Variants in PPM1A observed in about 807,000 individuals in gnomAD.
PPM1A encodes the protein protein phosphatase 1A.
In PPM1A, 7 loss-of-function variants were observed where a neutral mutation model predicts 35.0. That is an observed-to-expected ratio of 0.20 (90% confidence interval 0.11 to 0.38). The LOEUF is 0.38. Among genes scored for constraint, PPM1A ranks in the 10% least tolerant of loss-of-function variants. The pLI is 1.00. For missense variants in PPM1A, 239 were observed against 467.8 expected (o/e 0.51, Z 4.51); for synonymous variants, 153 against 167.3 (o/e 0.91, Z 0.66).
At chr14:60,287,145 A>G (rs2139568430) in intron 3 of PPM1A, 1 of 940,416 alleles carries the variant, frequency 1.1e-6, no homozygotes, top group Non-Finnish European at 1.3e-6. Flanking sequence ...TTACTATGAA[A>G]TGGGATCCAA....
At chr14:60,252,660 A>G (rs114241791) in intron 1 of PPM1A, among the ~76,000 whole-genome samples, 349 of 152,282 alleles carry the variant, frequency 2.3e-3, no homozygotes, top group African/African-American at 7.9e-3. Flanking sequence ...TTATTTTGCT[A>G]TTAGCCAAGA....
rs1885354365 is a variant in PPM1A at position 60,273,092 on chromosome 14, A to G, written c.-20-9592A>G. The stretch of plus-strand genomic sequence containing the variant: ...ATGATAGCTTCTCTGTTTCTCCTTC[A>G]GAAAGTCTTGTTTTTTATATGCATA... On this transcript the variant is annotated intron_variant, in intron 1 of 5. Coordinates refer to ENST00000395076, the MANE Select transcript of PPM1A (RefSeq NM_021003.5). The surrounding 1 kb of genome is among the most constrained non-coding windows in gnomAD (Gnocchi z 4.3). Among the ~76,000 whole-genome samples the G allele has an allele frequency of 6.6e-6, 1 of 152,184 alleles. No homozygotes were observed. The highest frequency in any genetic ancestry group is 2.1e-4 in the South Asian group (1 of 4,832).
intron 1 of PPM1A, among the ~76,000 whole-genome samples, chr14:60,266,125 A>G (rs566881805): frequency 1.3e-5 from 2 of 152,338 alleles, no homozygotes; most frequent in African/African-American, 4.8e-5. Flanking sequence ...ATTTGTGTTT[A>G]ATAGCTAGCA....
At chr14:60,259,324 C>G (rs1292864976) in intron 1 of PPM1A, among the ~76,000 whole-genome samples, 1 of 152,006 alleles carries the variant, frequency 6.6e-6, no homozygotes, top group Non-Finnish European at 1.5e-5. Context: ...CTTTTACCAT[C>G]TTAAATGTTT....
chr14:60,279,503 C>T (rs929641695), intron 1 of PPM1A, among the ~76,000 whole-genome samples: 19 of 152,136 alleles, frequency 1.2e-4, no homozygotes, highest in South Asian at 6.2e-4. Context: ...ATTTATCACC[C>T]GTGTTCATTA....
chr14:60,273,785 A>T lies in PPM1A; in HGVS notation c.-20-8899A>T, dbSNP rs1885432969. On this transcript the variant is annotated intron_variant, in intron 1 of 5. Coordinates refer to ENST00000395076, the MANE Select transcript of PPM1A (RefSeq NM_021003.5). The surrounding 1 kb of genome is among the most constrained non-coding windows in gnomAD (Gnocchi z 4.3). ...AGCATATAACCCATGGGATTTGATG[A>T]TGGACTGATGGGAGATGAGGTAGAG... Among the ~76,000 whole-genome samples, 1 of 152,110 alleles carries T rather than the reference A, an allele frequency of 6.6e-6. No individual in the cohort carries two copies.
upstream of PPM1A, chr14:60,246,164 G>A: frequency 1.0e-6 from 1 of 993,210 alleles, no homozygotes; most frequent in Middle Eastern, 3.3e-4. Flanking sequence ...CTAGCCTCCT[G>A]AGGGGGTCAT....
chr14:60,266,154 T>C (rs969531618), intron 1 of PPM1A, among the ~76,000 whole-genome samples: 1 of 152,208 alleles, frequency 6.6e-6, no homozygotes, highest in Non-Finnish European at 1.5e-5. Flanking sequence ...CATTGCTCCA[T>C]ATATTTATTA....
chr14:60,265,563 A>T (rs1217503302), intron 1 of PPM1A, among the ~76,000 whole-genome samples: 3 of 152,264 alleles, frequency 2.0e-5, no homozygotes, highest in Non-Finnish European at 4.4e-5. Context: ...TGGAACAGAT[A>T]CATTTCAAAA....
intron 1 of PPM1A, among the ~76,000 whole-genome samples, chr14:60,259,120 A>G (rs901525209): frequency 1.3e-5 from 2 of 152,092 alleles, no homozygotes; most frequent in African/African-American, 2.4e-5. Context: ...TTTCCTCAGC[A>G]TCTATCTCCC....
intron 2 of PPM1A, among the ~76,000 whole-genome samples, chr14:60,284,416 C>T (rs1022696922): frequency 5.9e-5 from 9 of 151,926 alleles, no homozygotes; most frequent in East Asian, 1.9e-4. Context: ...CCGAGGTGGG[C>T]GGATCACGAG....
chr14:60,280,543 CT>C (rs1208994068), intron 1 of PPM1A, among the ~76,000 whole-genome samples: 1 of 152,196 alleles, frequency 6.6e-6, no homozygotes, highest in Non-Finnish European at 1.5e-5. Flanking sequence ...TCACTCACGT[CT>C]CTTTTTTTCT....
At position 60,289,674 on chromosome 14, in the gene PPM1A, TA is replaced by T; in HGVS notation, c.953-129del. ...AGGTCAACCTGATTTTTTTTTTTTT[TA>T]AATGATACCAGATTAGAAAAATCTC... is the stretch of plus-strand genomic sequence containing the variant. On this transcript the variant is annotated intron_variant, in intron 3 of 5. Transcript: ENST00000395076. The surrounding 1 kb of genome is among the most constrained non-coding windows in gnomAD (Gnocchi z 4.1). 15 of 549,118 alleles carry T rather than the reference TA, an allele frequency of 2.7e-5. No individual in the cohort carries two copies. The highest frequency in any genetic ancestry group is 3.8e-5 in the Admixed American group (1 of 26,130). 34.0% of individuals were successfully genotyped at this position (549,118 alleles called of 1,614,324 possible). A position where few individuals can be genotyped will look rare whatever the true frequency, so the allele number is the denominator to read the frequency against.
chr14:60,292,611 C>A lies in PPM1A; in HGVS notation c.*129C>A. The A allele has an allele frequency of 3.1e-6, 2 of 649,692 alleles. No homozygotes were observed. The highest frequency in any genetic ancestry group is 5.0e-6 in the Non-Finnish European group (2 of 400,988). 40.2% of individuals were successfully genotyped at this position (649,692 alleles called of 1,614,324 possible). On this transcript the variant is annotated 3_prime_UTR_variant, in exon 6 of 6. Coordinates refer to ENST00000395076, the MANE Select transcript of PPM1A (RefSeq NM_021003.5). The surrounding 1 kb of genome is among the most constrained non-coding windows in gnomAD (Gnocchi z 4.2). ...ATGACATGGGTGAGAATGATTACAT[C>A]AGAGAACTTCAGCAGTACAACAGCT...
intron 1 of PPM1A, among the ~76,000 whole-genome samples, chr14:60,259,063 T>C (rs948238220): frequency 3.9e-5 from 6 of 152,118 alleles, no homozygotes; most frequent in African/African-American, 1.4e-4. Context: ...TTACACATTT[T>C]TTAAGCTATT....
chr14:60,257,978 A>C (rs1257356904), intron 1 of PPM1A, among the ~76,000 whole-genome samples: 1 of 152,154 alleles, frequency 6.6e-6, no homozygotes, highest in Non-Finnish European at 1.5e-5. Context: ...ACAGCCTGTA[A>C]GACTGTTTTG....
intron 3 of PPM1A, 86 bp downstream of exon 3, chr14:60,285,827 TTA>T (rs1420785412): frequency 1.3e-6 from 2 of 1,544,606 alleles, no homozygotes; most frequent in Middle Eastern, 4.0e-4. Flanking sequence ...TTTTAGATTT[TTA>T]TGTGTCTTTG....
At position 60,294,393 on chromosome 14, in the gene PPM1A, A is replaced by G. The variant is rs1360197520; in HGVS notation, c.*1911A>G. Reference sequence around the variant, plus strand: ...TTACAGAACCAATTCCATACTTACAATAAATACTTAATGTCTAAATCTGTG... The same window carrying G: ...TTACAGAACCAATTCCATACTTACAGTAAATACTTAATGTCTAAATCTGTG... On this transcript the variant is annotated 3_prime_UTR_variant, in exon 6 of 6. Coordinates refer to ENST00000395076, the MANE Select transcript of PPM1A (RefSeq NM_021003.5). 2.0e-5 allele frequency: 3 copies of G among 152,076 alleles called. No homozygotes were observed. Among genetic ancestry groups the G allele is most frequent in the Admixed American group, 6.6e-5 (1 of 15,256 alleles). 9.4% of individuals were successfully genotyped at this position (152,076 alleles called of 1,614,324 possible).
chr14:60,285,475 C>CACAT (rs1458525598), intron 2 of PPM1A, 149 bp from the exon 3 acceptor site: 3 of 566,794 alleles, frequency 5.3e-6, no homozygotes, highest in Non-Finnish European at 8.3e-6. Context: ...CACACACGCA[C>CACAT]GCATGCGTGC....
Sources: allele counts gnomAD v4.1 joint callset (sites outside exome capture counted in the v4.1 genomes callset), GRCh38; gene constraint gnomAD v4.1.1; non-coding constraint Gnocchi (gnomAD v3.1); transcripts MANE v1.5; gene names NCBI Gene and HGNC (gene_info 2026-07-23, HGNC 2026-07-21).